CAMTA1: variants seen among roughly 807,000 people sequenced by gnomAD.
CAMTA1 encodes the protein calmodulin-binding transcription activator 1.
A neutral mutation model predicts 170.9 loss-of-function variants in CAMTA1; 27 were observed. The ratio of observed to expected loss-of-function variants is 0.16; its 90% confidence interval spans 0.12 to 0.22. The LOEUF (loss-of-function observed/expected upper bound fraction) is 0.22, where lower values mean the gene tolerates loss of function less well. CAMTA1 is among the 10% of genes least tolerant of loss of function. The probability of loss-of-function intolerance (pLI) is 1.00; values close to 1 mark genes in which losing one functional copy is unlikely to be tolerated. For missense variants in CAMTA1, 1,619 were observed against 2,217.2 expected (o/e 0.73, Z 5.42); for synonymous variants, 833 against 891.5 (o/e 0.93, Z 1.17).
intron 5 of CAMTA1, among the ~76,000 whole-genome samples, chr1:7,330,335 T>G (rs1472942032): frequency 1.3e-5 from 2 of 152,162 alleles, no homozygotes; most frequent in Non-Finnish European, 2.9e-5. Context: ...CCGCTCTTGT[T>G]TGGACCACGC....
intron 5 of CAMTA1, among the ~76,000 whole-genome samples, chr1:7,362,633 G>A (rs751077227): frequency 6.6e-6 from 1 of 150,736 alleles, no homozygotes; most frequent in Non-Finnish European, 1.5e-5. Context: ...TGAATAGAGT[G>A]AGTGAACTTG....
At chr1:7,400,165 T>C (rs977572732) in intron 5 of CAMTA1, among the ~76,000 whole-genome samples, 8 of 152,244 alleles carry the variant, frequency 5.3e-5, no homozygotes, top group African/African-American at 1.9e-4. Flanking sequence ...TTTACTCTTT[T>C]TGATTCTGTT....
At position 7,680,481 on chromosome 1, in the gene CAMTA1, C is replaced by A. The variant is rs555518241; in HGVS notation, c.2914+2748C>A. Among the ~76,000 whole-genome samples the A allele has an allele frequency of 8.6e-5, 13 of 151,156 alleles. No individual in the cohort carries two copies. The South Asian group carries it at 1.0e-3, about 12-fold the overall frequency. On this transcript the variant is annotated intron_variant, in intron 11 of 22. Coordinates refer to ENST00000303635, the MANE Select transcript of CAMTA1 (RefSeq NM_015215.4). This position sits in a 1 kb window ranked among gnomAD's most constrained non-coding sequence, Gnocchi z 4.4. The stretch of plus-strand genomic sequence containing the variant: ...TCCCACGCGCGCGCCCTCCCGCCGA[C>A]GCGCAGCCGCAATGCGGGGCCCTTC...
chr1:7,484,485 AC>A (rs1327978348), intron 6 of CAMTA1, among the ~76,000 whole-genome samples: 1 of 152,172 alleles, frequency 6.6e-6, no homozygotes, highest in Non-Finnish European at 1.5e-5. Context: ...TCGGACATAG[AC>A]CAGCATTCAG....
At chr1:7,201,316 A>T (rs1442173138) in intron 4 of CAMTA1, among the ~76,000 whole-genome samples, 1 of 152,194 alleles carries the variant, frequency 6.6e-6, no homozygotes, top group Admixed American at 6.5e-5. Context: ...TCATTTGGCT[A>T]TTATTAACCA....
intron 5 of CAMTA1, among the ~76,000 whole-genome samples, chr1:7,267,455 G>T (rs1292892346): frequency 6.6e-6 from 1 of 152,162 alleles, no homozygotes; most frequent in African/African-American, 2.4e-5. Flanking sequence ...CTGCACATCA[G>T]CAGGATTGAT....
intron 5 of CAMTA1, among the ~76,000 whole-genome samples, chr1:7,449,769 CAAA>C (rs59913060): frequency 3.8e-5 from 3 of 79,582 alleles, no homozygotes; most frequent in Admixed American, 1.5e-4. Flanking sequence ...GACTCGGTCT[CAAA>C]AAAAAAAAAA....
At chr1:7,148,528 T>G (rs1332642691) in intron 4 of CAMTA1, among the ~76,000 whole-genome samples, 2 of 152,164 alleles carry the variant, frequency 1.3e-5, no homozygotes, top group African/African-American at 4.8e-5. Context: ...TCCTGCTGAC[T>G]TGCCACCGGG....
chr1:7,102,141 C>T (rs900876175), intron 4 of CAMTA1, among the ~76,000 whole-genome samples: 7 of 151,814 alleles, frequency 4.6e-5, no homozygotes, highest in East Asian at 3.9e-4. Flanking sequence ...TGTGTCTTAG[C>T]GAGTTGAAAT....
At chr1:7,026,152 C>G (rs1015995082) in intron 3 of CAMTA1, among the ~76,000 whole-genome samples, 1 of 151,712 alleles carries the variant, frequency 6.6e-6, no homozygotes, top group African/African-American at 2.4e-5. Context: ...AAGATTTGGC[C>G]AAGAGCAGGA....
rs1428597176 is a variant in CAMTA1 at position 7,635,719 on chromosome 1, C to T, written c.511-4681C>T. 6.6e-6 allele frequency among the ~76,000 whole-genome samples: 1 copy of T among 152,150 alleles called. No homozygotes were observed. The highest frequency in any genetic ancestry group is 6.5e-5 in the Admixed American group (1 of 15,280). Reference sequence around the variant, plus strand: ...TGCAGGCCGCCCTGCTGAGCTGGTCCACCTGAGCCCATCTCGCCACCAGCA... The same window carrying T: ...TGCAGGCCGCCCTGCTGAGCTGGTCTACCTGAGCCCATCTCGCCACCAGCA... On this transcript the variant is annotated intron_variant, in intron 6 of 22. Transcript: ENST00000303635. This position sits in a 1 kb window ranked among gnomAD's most constrained non-coding sequence, Gnocchi z 4.4.
intron 3 of CAMTA1, among the ~76,000 whole-genome samples, chr1:6,964,441 A>G (rs1352705679): frequency 6.6e-6 from 1 of 152,128 alleles, no homozygotes; most frequent in East Asian, 1.9e-4. Context: ...GATGTCATAG[A>G]ACTTGGAAGA....
chr1:6,974,319 A>G (rs978200115), intron 3 of CAMTA1, among the ~76,000 whole-genome samples: 2 of 152,242 alleles, frequency 1.3e-5, no homozygotes, highest in Admixed American at 6.5e-5. Context: ...CTTGGGGTCT[A>G]GGCTTGCATC....
At chr1:6,788,052 A>G (rs1639922687) in intron 1 of CAMTA1, among the ~76,000 whole-genome samples, 1 of 152,160 alleles carries the variant, frequency 6.6e-6, no homozygotes, top group South Asian at 2.1e-4. Flanking sequence ...AAGGCCCTCG[A>G]CGCTTCATGA....
At chr1:7,024,014 G>A (rs1162739167) in intron 3 of CAMTA1, among the ~76,000 whole-genome samples, 1 of 141,246 alleles carries the variant, frequency 7.1e-6, no homozygotes, top group African/African-American at 2.8e-5. Context: ...GGGGGACAGA[G>A]CGAGACTCTG....
chr1:7,766,104 A>C (rs2097022284), intron 22 of CAMTA1, among the ~76,000 whole-genome samples: 1 of 152,206 alleles, frequency 6.6e-6, no homozygotes, highest in South Asian at 2.1e-4. Context: ...TAGGACATTA[A>C]TGGTGGTCCA....
chr1:7,606,647 A>G (rs536141269), intron 6 of CAMTA1, among the ~76,000 whole-genome samples: 160 of 152,330 alleles, frequency 1.1e-3, no homozygotes, highest in African/African-American at 3.7e-3. Context: ...GATCTGTGAA[A>G]GAGCTGGGAG....
intron 3 of CAMTA1, among the ~76,000 whole-genome samples, chr1:6,984,706 ACTCT>A (rs772341702): frequency 6.6e-6 from 1 of 152,114 alleles, no homozygotes; most frequent in Non-Finnish European, 1.5e-5. Context: ...ATGGCCATTG[ACTCT>A]CTCTGCACGT....
chr1:7,221,923 AC>A (rs1385757323), intron 4 of CAMTA1, among the ~76,000 whole-genome samples: 1 of 136,590 alleles, frequency 7.3e-6, no homozygotes, highest in Non-Finnish European at 1.5e-5. Flanking sequence ...ACACACACAC[AC>A]ACATACACAC....
Sources: allele counts gnomAD v4.1 joint callset (sites outside exome capture counted in the v4.1 genomes callset), GRCh38; gene constraint gnomAD v4.1.1; non-coding constraint Gnocchi (gnomAD v3.1); transcripts MANE v1.5; gene names NCBI Gene and HGNC (gene_info 2026-07-23, HGNC 2026-07-21).